NIPBL: variants seen among roughly 807,000 people sequenced by gnomAD.
NIPBL encodes nipped-B-like protein.
Under a neutral mutation model 321.8 loss-of-function variants are expected in NIPBL, and 19 were observed. The ratio of observed to expected loss-of-function variants is 0.06; its 90% CI spans 0.04 to 0.09. The LOEUF (loss-of-function observed/expected upper bound fraction) is 0.09. Ranked by LOEUF, NIPBL falls within the 10% of genes least tolerant of loss-of-function variation. The pLI is 1.00. For synonymous variants in NIPBL, 1,106 were observed against 1,114.1 expected (o/e 0.99, Z 0.14); for missense variants, 2,210 against 3,327.0 (o/e 0.66, Z 8.26).
At position 36,953,885 on chromosome 5, in the gene NIPBL, C is replaced by A. The variant is rs190978234; in HGVS notation, c.64+125C>A. ...TTTACAGAAATAGCAACTGAAACTG[C>A]CCTTTAAAGAAAAAAAAAATTGATA... On this transcript the variant is annotated intron_variant, in intron 2 of 46. Transcript: ENST00000282516. 7.5e-5 allele frequency: 60 copies of A among 799,830 alleles called. No homozygotes were observed. The Admixed American group carries it at 1.2e-3, about 16-fold the overall frequency. 49.5% of individuals were successfully genotyped at this position (799,830 alleles called of 1,614,324 possible). A position where few individuals can be genotyped will look rare whatever the true frequency, so the allele number is the denominator to read the frequency against.
chr5:36,911,601 C>G (rs1224501829), intron 1 of NIPBL, among the ~76,000 whole-genome samples: 1 of 152,096 alleles, frequency 6.6e-6, no homozygotes, highest in African/African-American at 2.4e-5. Context: ...GAAACTCTTC[C>G]TAGAGCAGAG....
chr5:37,015,925 T>C (rs763548101), intron 22 of NIPBL, 113 bp from the exon 23 acceptor site: 12 of 929,518 alleles, frequency 1.3e-5, no homozygotes, highest in Non-Finnish European at 2.1e-5. Flanking sequence ...TATATTTTGT[T>C]ACTAAACATA....
At chr5:36,885,455 C>T in intron 1 of NIPBL, 1 of 478,092 alleles carries the variant, frequency 2.1e-6, no homozygotes, top group South Asian at 1.6e-5. Context: ...GGAGACCCTC[C>T]AAAGCCTGAA....
chr5:36,924,564 A>G (rs1749206254), intron 1 of NIPBL, among the ~76,000 whole-genome samples: 1 of 152,196 alleles, frequency 6.6e-6, no homozygotes, highest in Non-Finnish European at 1.5e-5. Flanking sequence ...TGTCTTGTGT[A>G]TAGGTGTATC....
At chr5:36,890,243 T>C (rs766634086) in intron 1 of NIPBL, among the ~76,000 whole-genome samples, 1 of 149,836 alleles carries the variant, frequency 6.7e-6, no homozygotes, top group Admixed American at 6.8e-5. Flanking sequence ...CATCTTTATA[T>C]GTAGTTTTTT....
intron 1 of NIPBL, among the ~76,000 whole-genome samples, chr5:36,880,038 T>C (rs1266381762): frequency 1.3e-5 from 2 of 152,024 alleles, no homozygotes. Flanking sequence ...AGAAAAACAG[T>C]CTACTTGAGA....
chr5:36,923,826 A>G (rs1716015710), intron 1 of NIPBL, among the ~76,000 whole-genome samples: 1 of 152,182 alleles, frequency 6.6e-6, no homozygotes, highest in Non-Finnish European at 1.5e-5. Flanking sequence ...GAAAGTTCAT[A>G]TATAATATGA....
intron 1 of NIPBL, among the ~76,000 whole-genome samples, chr5:36,899,657 CT>C (rs895384666): frequency 4.6e-5 from 7 of 152,324 alleles, no homozygotes; most frequent in African/African-American, 1.7e-4. Context: ...TAGAGACATG[CT>C]TGCCTCCTGA....
chr5:36,891,302 C>G (rs1194384863), intron 1 of NIPBL, among the ~76,000 whole-genome samples: 1 of 151,954 alleles, frequency 6.6e-6, no homozygotes, highest in African/African-American at 2.4e-5. Context: ...AGACTTCAGC[C>G]CACCCATATT....
intron 7 of NIPBL, among the ~76,000 whole-genome samples, chr5:36,971,480 C>T (rs2149620898): frequency 6.6e-6 from 1 of 151,364 alleles, no homozygotes; most frequent in South Asian, 2.1e-4. Context: ...CTCTTTTTCC[C>T]TCTGATACTT....
At chr5:36,917,619 A>G (rs1748574586) in intron 1 of NIPBL, among the ~76,000 whole-genome samples, 3 of 152,130 alleles carry the variant, frequency 2.0e-5, no homozygotes, top group Admixed American at 1.3e-4. Flanking sequence ...CCTGAATGGT[A>G]TTGCCTAGGT....
intron 10 of NIPBL, among the ~76,000 whole-genome samples, chr5:36,993,554 T>C (rs534535195): frequency 1.3e-5 from 2 of 152,262 alleles, no homozygotes; most frequent in East Asian, 3.9e-4. Flanking sequence ...TATTTTAACC[T>C]TTGATTATTG....
At chr5:36,987,669 C>A (rs1286611038) in intron 10 of NIPBL, among the ~76,000 whole-genome samples, 2 of 151,996 alleles carry the variant, frequency 1.3e-5, no homozygotes, top group African/African-American at 4.8e-5. Context: ...TTTTGTCTTA[C>A]AATAATGAAA....
chr5:37,041,869 CA>C (rs1752424231), intron 34 of NIPBL, among the ~76,000 whole-genome samples: 1 of 131,488 alleles, frequency 7.6e-6, no homozygotes, highest in Non-Finnish European at 1.6e-5. Context: ...CCAGCCACTA[CA>C]TTTTTTTTTT....
chr5:37,033,953 A>G (rs1284370442), intron 32 of NIPBL, among the ~76,000 whole-genome samples: 3 of 151,766 alleles, frequency 2.0e-5, no homozygotes, highest in Non-Finnish European at 4.4e-5. Context: ...AAGAAAGTGA[A>G]AATACAAGTC....
At chr5:36,977,409 G>T (rs897037127) in intron 9 of NIPBL, among the ~76,000 whole-genome samples, 2 of 151,840 alleles carry the variant, frequency 1.3e-5, no homozygotes, top group African/African-American at 2.4e-5. Flanking sequence ...TAAGAAACAT[G>T]CTGAAGATTA....
At chr5:37,033,510 G>C (rs956541350) in intron 32 of NIPBL, among the ~76,000 whole-genome samples, 8 of 150,438 alleles carry the variant, frequency 5.3e-5, no homozygotes, top group African/African-American at 2.0e-4. Context: ...ATGGAGAAAA[G>C]ATAGACTGTT....
intron 32 of NIPBL, among the ~76,000 whole-genome samples, chr5:37,032,354 G>GGT (rs917610691): frequency 3.0e-4 from 45 of 148,164 alleles, no homozygotes; most frequent in Admixed American, 7.4e-4. Context: ...AATGGATATA[G>GGT]GTGTGTGTGT....
intron 32 of NIPBL, among the ~76,000 whole-genome samples, chr5:37,035,607 A>G (rs2067199301): frequency 6.6e-6 from 1 of 152,176 alleles, no homozygotes; most frequent in Non-Finnish European, 1.5e-5. Context: ...GTACATTGCA[A>G]GTGCTTAATA....
Sources: allele counts gnomAD v4.1 joint callset (sites outside exome capture counted in the v4.1 genomes callset), GRCh38; gene constraint gnomAD v4.1.1; transcripts MANE v1.5; gene names NCBI Gene and HGNC (gene_info 2026-07-23, HGNC 2026-07-21).